The following EXD1 variants were observed in gnomAD, a reference collection of about 807,000 sequenced individuals.
The protein encoded by EXD1 is exonuclease 3'-5' domain containing 1.
In EXD1, 63 loss-of-function variants were observed where a neutral mutation model predicts 49.1. The observed-to-expected ratio is 1.28, with a 90% CI of 1.05 to 1.58. The LOEUF (loss-of-function observed/expected upper bound fraction) is 1.58, where lower values mean the gene tolerates loss of function less well. Among genes scored for constraint, EXD1 ranks in the 40% most tolerant of loss-of-function variants. EXD1 has a pLI of 0.00. For synonymous variants in EXD1, 234 were observed against 239.2 expected (o/e 0.98, Z 0.20); for missense variants, 748 against 666.0 (o/e 1.12, Z -1.36).
chr15:41,200,985 T>C (rs910719306), intron 7 of EXD1, among the ~76,000 whole-genome samples: 1 of 151,850 alleles, frequency 6.6e-6, no homozygotes, highest in Non-Finnish European at 1.5e-5. Flanking sequence ...GCAATTCTCC[T>C]GCCTTAGCCT....
At chr15:41,203,916 CAAAA>C (rs1187093511) in intron 7 of EXD1, among the ~76,000 whole-genome samples, 10 of 23,244 alleles carry the variant, frequency 4.3e-4, no homozygotes, top group African/African-American at 1.4e-3. Context: ...GACTTCTCCT[CAAAA>C]AAAAAAAAAA....
chr15:41,215,810 CTG>C lies in EXD1; in HGVS notation c.410_411del (p.Thr137SerfsTer3). On this transcript the variant is annotated frameshift_variant, in exon 6 of 12. Transcript: ENST00000458580. LOFTEE classifies it high-confidence loss of function. ...AACTTCTGCTGGAATTGATTAATGA[CTG>C]TGTATGTCACCTCCTCTTCCTCTAC... ...SPSEEEEVTY[T>X]VINQFQQKFG... The C allele has an allele frequency of 6.2e-7, 1 of 1,614,012 alleles. No individual in the cohort carries two copies.
At chr15:41,196,091 G>A (rs552499242) in intron 7 of EXD1, 54 bp from the exon 8 acceptor site, 13 of 1,354,452 alleles carry the variant, frequency 9.6e-6, no homozygotes, top group African/African-American at 1.5e-5. Flanking sequence ...AACTGAGGAA[G>A]GGAAATTTGA....
intron 1 of EXD1, among the ~76,000 whole-genome samples, chr15:41,229,942 G>A (rs2047213799): frequency 6.6e-6 from 1 of 152,046 alleles, no homozygotes; most frequent in African/African-American, 2.4e-5. Flanking sequence ...CCTGGTACTT[G>A]GGTACTAACA....
chr15:41,222,273 G>C (rs559224291), intron 2 of EXD1, among the ~76,000 whole-genome samples: 31 of 152,224 alleles, frequency 2.0e-4, no homozygotes, highest in African/African-American at 7.5e-4. Flanking sequence ...AAAATTAGCT[G>C]GGTGCGGTGG....
Position 41,183,784 on chromosome 15 carries a change from A to T in EXD1, c.*147T>A. 1.5e-6 allele frequency: 1 copy of T among 652,974 alleles called. No individual in the cohort carries two copies. 40.4% of individuals were successfully genotyped at this position (652,974 alleles called of 1,614,324 possible). A position where few individuals can be genotyped will look rare whatever the true frequency, so the allele number is the denominator to read the frequency against. ...TCATTCTCATTCTCCGCATACCAGG[A>T]ACACAGGAGTAAGCAAGAGGATATA... On this transcript the variant is annotated 3_prime_UTR_variant, in exon 12 of 12. Transcript: ENST00000458580.
chr15:41,192,592 GCATTTTTTTTTTTTTT>G lies in EXD1; in HGVS notation c.721-1023_721-1008del, dbSNP rs1397740731. 3.2e-4 allele frequency among the ~76,000 whole-genome samples: 28 copies of G among 86,214 alleles called. 1 individual carries two copies. The highest frequency in any genetic ancestry group is 1.6e-3 in the East Asian group (4 of 2,556). The allele number at this position is 86,214 out of a possible 152,430, so 56.6% of individuals were successfully genotyped here. A position where few individuals can be genotyped will look rare whatever the true frequency, so the allele number is the denominator to read the frequency against. On this transcript the variant is annotated intron_variant, in intron 9 of 11. Transcript: ENST00000458580. ...TTACAGGCGTGAACCACTGCGCCAG[GCATTTTTTTTTTTTTT>G]TTTTTTTTTTTTTTTTTTTTTTTTG...
Position 41,216,603 on chromosome 15 carries a change from C to T in EXD1, c.388+65G>A, listed in dbSNP as rs375696730. 3 of 1,509,102 alleles carry T rather than the reference C, an allele frequency of 2.0e-6. No homozygotes were observed. The South Asian group carries it at 3.8e-5, about 19-fold the overall frequency. The allele number at this position is 1,509,102 out of a possible 1,614,324, so 93.5% of individuals were successfully genotyped here. A position where few individuals can be genotyped will look rare whatever the true frequency, so the allele number is the denominator to read the frequency against. On this transcript the variant is annotated intron_variant, in intron 5 of 11. Transcript: ENST00000458580. ...CCGAGATCACGCCATTGCACTGCAG[C>T]CTGGGCAACAAGAGCGAAACTCCAT... is the stretch of plus-strand genomic sequence containing the variant.
rs2046353542 is a variant in EXD1, at chr15:41,183,486, A to G, written c.*445T>C. 6.5e-6 allele frequency: 1 copy of G among 153,410 alleles called. No individual in the cohort carries two copies. The allele number at this position is 153,410 out of a possible 1,614,324, so 9.5% of individuals were successfully genotyped here. A position where few individuals can be genotyped will look rare whatever the true frequency, so the allele number is the denominator to read the frequency against. The stretch of plus-strand genomic sequence containing the variant: ...AAAAAAAAATAAATAAAACAAATAA[A>G]TAAAAAGGAAAAAAGTACTGGTAAA... On this transcript the variant is annotated 3_prime_UTR_variant, in exon 12 of 12. Coordinates refer to ENST00000458580, the MANE Select transcript of EXD1 (RefSeq NM_001286441.2).
At position 41,209,494 on chromosome 15, in the gene EXD1, CT is replaced by C. The variant is rs746245903; in HGVS notation, c.534+6del. On this transcript the variant is annotated splice_donor_region_variant and intron_variant, in intron 7 of 11. Coordinates refer to ENST00000458580, the MANE Select transcript of EXD1 (RefSeq NM_001286441.2). ...TTCAAAATAAAAAGTTTTCAAAAAT[CT>C]TTCACCTGCAGCCAGCACAGTTTGC... The C allele has an allele frequency of 6.2e-7, 1 of 1,610,434 alleles. No homozygotes were observed. Among genetic ancestry groups the C allele is most frequent in the South Asian group, 1.1e-5 (1 of 89,848 alleles).
Position 41,209,534 on chromosome 15 carries a change from A to G in EXD1, c.501T>C (p.Asn167=), listed in dbSNP as rs752340433. Reference sequence around the variant, plus strand: ...AGCACAGTTTGCCATGGCGACATACATTCGCTCCTTCTGCTGCCACACTCA... The same window carrying G: ...AGCACAGTTTGCCATGGCGACATACGTTCGCTCCTTCTGCTGCCACACTCA... ...NVLSVAAEGA[N]VCRHGKLCWL... is the part of the protein sequence containing the mutation. The change falls in exon 7 of 12, where the codon AAT becomes AAC. Residue 167 remains asparagine (N), a synonymous_variant. Transcript: ENST00000458580. 6.2e-7 allele frequency: 1 copy of G among 1,614,186 alleles called. No homozygotes were observed. The highest frequency in any genetic ancestry group is 1.7e-5 in the Admixed American group (1 of 59,998).
At chr15:41,194,663 G>GA (rs548366379) in intron 9 of EXD1, among the ~76,000 whole-genome samples, 1 of 152,276 alleles carries the variant, frequency 6.6e-6, no homozygotes, top group East Asian at 1.9e-4. Flanking sequence ...CACTGTTATA[G>GA]AAAAAGAAAT....
chr15:41,184,263 C>T lies in EXD1; in HGVS notation c.1387G>A (p.Glu463Lys). 6.2e-7 allele frequency: 1 copy of T among 1,614,160 alleles called. No individual in the cohort carries two copies. Among genetic ancestry groups the T allele is most frequent in the Non-Finnish European group, 8.5e-7 (1 of 1,180,018 alleles). ...CAAATGAGTTTGTTACTGGAATCCTCACTGGTTTCCCCTTCCTCTGTGGGA... is the reference window on the plus strand; with the variant it reads ...CAAATGAGTTTGTTACTGGAATCCTTACTGGTTTCCCCTTCCTCTGTGGGA... ...LPPTEEGETSEDSSNKLICTK... is the reference protein window; with the variant it reads ...LPPTEEGETSKDSSNKLICTK... The change falls in exon 12 of 12, where the codon GAG becomes AAG. Residue 463 changes from glutamate (E) to lysine (K), a missense_variant. Transcript: ENST00000458580.
At chr15:41,222,773 A>C (rs565470172) in intron 2 of EXD1, among the ~76,000 whole-genome samples, 1 of 150,430 alleles carries the variant, frequency 6.6e-6, no homozygotes, top group Non-Finnish European at 1.5e-5. Flanking sequence ...CCTGTCTCTA[A>C]TAAAATACAA....
At chr15:41,206,473 C>T (rs1025544346) in intron 7 of EXD1, among the ~76,000 whole-genome samples, 8 of 82,426 alleles carry the variant, frequency 9.7e-5, no homozygotes, top group Admixed American at 1.5e-4. Flanking sequence ...GACCCTGTCT[C>T]GAAAAAAAAA....
intron 3 of EXD1, among the ~76,000 whole-genome samples, chr15:41,217,527 TCC>T (rs2047018501): frequency 7.0e-6 from 1 of 142,566 alleles, no homozygotes; most frequent in African/African-American, 2.9e-5. Context: ...TTGAGGGTTT[TCC>T]TTTTTTTTTT....
chr15:41,195,687 G>T (rs2046597911), intron 9 of EXD1, 88 bp downstream of exon 9: 110 of 850,766 alleles, frequency 1.3e-4, no homozygotes, highest in Middle Eastern at 2.7e-4. Context: ...AAATTAAAAA[G>T]ACTTTCACTC....
intron 2 of EXD1, among the ~76,000 whole-genome samples, chr15:41,224,535 C>G (rs991481002): frequency 6.6e-6 from 1 of 151,958 alleles, no homozygotes; most frequent in Non-Finnish European, 1.5e-5. Flanking sequence ...GAGGTACTGG[C>G]AGGGTAGCAC....
chr15:41,196,138 T>C, intron 7 of EXD1, 101 bp from the exon 8 acceptor site: 1 of 794,968 alleles, frequency 1.3e-6, no homozygotes, highest in East Asian at 2.7e-5. Context: ...ATATCTAACA[T>C]CTTCACTTTA....
Sources: allele counts gnomAD v4.1 joint callset (sites outside exome capture counted in the v4.1 genomes callset), GRCh38; gene constraint gnomAD v4.1.1; transcripts MANE v1.5; gene names NCBI Gene and HGNC (gene_info 2026-07-23, HGNC 2026-07-21).